Variants in NRP2 observed in about 807,000 individuals in gnomAD.
The protein encoded by NRP2 is neuropilin-2.
In NRP2, 52 loss-of-function variants were observed where a neutral mutation model predicts 110.4. The ratio of observed to expected loss-of-function variants is 0.47; its 90% confidence interval spans 0.38 to 0.59. NRP2 has a LOEUF of 0.59. Among genes scored for constraint, NRP2 ranks in the 20% least tolerant of loss-of-function variants. The probability of loss-of-function intolerance (pLI) is 0.00; values close to 1 mark genes in which losing one functional copy is unlikely to be tolerated. For missense variants in NRP2, 1,049 were observed against 1,203.0 expected (o/e 0.87, Z 1.89); for synonymous variants, 508 against 468.9 (o/e 1.08, Z -1.08).
At position 205,763,901 on chromosome 2, in the gene NRP2, C is replaced by G. The variant is rs764357213; in HGVS notation, c.2272C>G (p.Arg758Gly). 1.9e-6 allele frequency: 3 copies of G among 1,613,814 alleles called. No individual in the cohort carries two copies. In the Admixed American group the frequency reaches 5.0e-5, roughly 27 times the overall value. ...EDQGGEWKHG[R>G]IILPSYDMEY... is the part of the protein sequence containing the mutation. ...CCAGGGCGGCGAGTGGAAGCACGGG[C>G]GGATCATCCTGCCCAGCTACGACAT... Residue 758 changes from arginine (R) to glycine (G), a missense_variant, in exon 13 of 17, where the codon CGG (arginine) becomes GGG (glycine). By Grantham distance (125) the Arg-to-Gly change is moderately radical (BLOSUM62 -2). Transcript: ENST00000357785. This position sits in a 1 kb window ranked among gnomAD's most constrained non-coding sequence, Gnocchi z 4.0.
intron 12 of NRP2, 114 bp downstream of exon 12, chr2:205,753,089 T>G (rs2057676996): frequency 2.1e-6 from 3 of 1,402,416 alleles, no homozygotes; most frequent in Non-Finnish European, 3.0e-6. Flanking sequence ...CAATCCTCTA[T>G]TCTTTGCCCA....
At chr2:205,785,361 A>G (rs527808627) in intron 15 of NRP2, among the ~76,000 whole-genome samples, 1 of 152,310 alleles carries the variant, frequency 6.6e-6, no homozygotes, top group Admixed American at 6.5e-5. Flanking sequence ...ATATGAAGAT[A>G]CATGACTTTT....
intron 15 of NRP2, among the ~76,000 whole-genome samples, chr2:205,787,744 G>C (rs2058251154): frequency 6.6e-6 from 1 of 151,818 alleles, no homozygotes; most frequent in Non-Finnish European, 1.5e-5. Context: ...GTGTGTGTGT[G>C]TGTGTGTGTG....
At chr2:205,770,780 G>T (rs2058009755) in intron 15 of NRP2, among the ~76,000 whole-genome samples, 1 of 152,148 alleles carries the variant, frequency 6.6e-6, no homozygotes, top group African/African-American at 2.4e-5. Flanking sequence ...ACCCCCTTAT[G>T]TCTCCAGCTG....
intron 1 of NRP2, among the ~76,000 whole-genome samples, chr2:205,692,224 A>C (rs1415525143): frequency 6.6e-6 from 1 of 152,212 alleles, no homozygotes; most frequent in Non-Finnish European, 1.5e-5. Context: ...CACTGCCACC[A>C]GTCTCCATAA....
intron 13 of NRP2, among the ~76,000 whole-genome samples, chr2:205,764,919 C>G (rs1185743150): frequency 6.6e-6 from 1 of 152,114 alleles, no homozygotes; most frequent in Non-Finnish European, 1.5e-5. Context: ...TGTTACTATC[C>G]TTATGTCCAG....
chr2:205,790,638 T>C (rs1285447500), intron 15 of NRP2, among the ~76,000 whole-genome samples: 1 of 141,502 alleles, frequency 7.1e-6, no homozygotes, highest in Non-Finnish European at 1.5e-5. Context: ...ATGTGACGGT[T>C]TTCTTCCATG....
At chr2:205,761,795 C>T (rs1166321874) in intron 12 of NRP2, 1 of 152,230 alleles carries the variant, frequency 6.6e-6, no homozygotes, top group Non-Finnish European at 1.5e-5. Context: ...GAAGTTGCCT[C>T]TCTACCTTGG....
At chr2:205,702,657 A>C (rs2056585438) in intron 2 of NRP2, among the ~76,000 whole-genome samples, 1 of 152,244 alleles carries the variant, frequency 6.6e-6, no homozygotes, top group Non-Finnish European at 1.5e-5. Flanking sequence ...GAAAGGTAGC[A>C]GTTTCCCAGT....
chr2:205,769,615 G>A (rs903408093), intron 15 of NRP2, among the ~76,000 whole-genome samples: 1 of 151,984 alleles, frequency 6.6e-6, no homozygotes, highest in African/African-American at 2.4e-5. Flanking sequence ...GTTGAGAAGG[G>A]AGAAAGAGAA....
intron 7 of NRP2, among the ~76,000 whole-genome samples, chr2:205,738,706 A>G (rs1258315056): frequency 6.6e-6 from 1 of 152,182 alleles, no homozygotes; most frequent in Non-Finnish European, 1.5e-5. Flanking sequence ...AGGCATGACT[A>G]ACAAGTTCTT....
intron 8 of NRP2, 135 bp downstream of exon 8, chr2:205,740,798 A>T: frequency 1.1e-6 from 1 of 950,574 alleles, no homozygotes; most frequent in Non-Finnish European, 1.6e-6. Context: ...AAGTCCTACC[A>T]GAGTTTGTCT....
intron 11 of NRP2, chr2:205,752,523 T>G: frequency 2.6e-6 from 1 of 378,408 alleles, no homozygotes; most frequent in Non-Finnish European, 5.0e-6. Flanking sequence ...GAACAGCAAT[T>G]TTCACATTTG....
intron 15 of NRP2, among the ~76,000 whole-genome samples, chr2:205,788,002 T>C (rs186587503): frequency 4.6e-5 from 7 of 152,260 alleles, no homozygotes; most frequent in Non-Finnish European, 2.9e-5. Flanking sequence ...TGTTGCAATG[T>C]ATTGACAAGC....
chr2:205,685,384 G>A (rs112874361), intron 1 of NRP2, among the ~76,000 whole-genome samples: 1 of 145,796 alleles, frequency 6.9e-6, no homozygotes, highest in Admixed American at 7.0e-5. Context: ...CCTGGGAGCC[G>A]GCAGCGGGTG....
At chr2:205,703,960 C>T (rs1328441922) in intron 2 of NRP2, among the ~76,000 whole-genome samples, 2 of 152,142 alleles carry the variant, frequency 1.3e-5, no homozygotes, top group African/African-American at 4.8e-5. Flanking sequence ...ACAACTTCCA[C>T]CATCTCCTTA....
chr2:205,757,702 C>T (rs1199640805), intron 12 of NRP2, among the ~76,000 whole-genome samples: 1 of 152,064 alleles, frequency 6.6e-6, no homozygotes, highest in Non-Finnish European at 1.5e-5. Context: ...ACTGCAAATC[C>T]AGAGACAGAA....
chr2:205,735,726 T>G (rs896241359), intron 7 of NRP2, among the ~76,000 whole-genome samples: 2 of 151,964 alleles, frequency 1.3e-5, no homozygotes, highest in African/African-American at 4.8e-5. Context: ...CTGATGGTTT[T>G]CAGGTTCTGG....
intron 1 of NRP2, among the ~76,000 whole-genome samples, chr2:205,695,889 G>A (rs950219): frequency 0.32 from 48,680 of 151,904 alleles, 8,255 homozygotes; most frequent in Middle Eastern, 0.4. Context: ...CTGCAGAGGA[G>A]CTGGGCCTCA....
Sources: gnomAD v4.1 joint callset for allele counts (sites outside exome capture counted in the v4.1 genomes callset) on GRCh38, gnomAD v4.1.1 for gene constraint, Gnocchi (gnomAD v3.1) non-coding constraint, MANE v1.5 for transcripts, NCBI Gene and HGNC (gene_info 2026-07-23, HGNC 2026-07-21) for gene names.